SEC16A: variants seen among roughly 807,000 people sequenced by gnomAD.
The protein encoded by SEC16A is protein transport protein Sec16A.
A neutral mutation model predicts 221.9 loss-of-function variants in SEC16A; 110 were observed. That is an observed-to-expected ratio of 0.50 (90% CI 0.42 to 0.58). The LOEUF (loss-of-function observed/expected upper bound fraction) is 0.58. SEC16A is among the 20% of genes least tolerant of loss of function. The pLI, the probability that SEC16A is intolerant of heterozygous loss-of-function variation, is 0.00. For synonymous variants in SEC16A, 1,393 were observed against 1,257.7 expected, an observed-to-expected ratio of 1.11 and a Z score of -2.28; for missense variants, 3,165 against 3,097.8, an observed-to-expected ratio of 1.02 and a Z score of -0.52.
In SEC16A at chr9:136,463,874, T is replaced by G. The variant is rs530541879; in HGVS notation, c.4447-134A>C. On this transcript the variant is annotated intron_variant, in intron 9 of 31. Coordinates refer to ENST00000684901, the MANE Select transcript of SEC16A (RefSeq NM_014866.2). Reference sequence around the variant, plus strand: ...CCCACCTGCCCCGCCCCACAGCAGGTGAAGGCTCTGTCGAGGCTGTTACAT... The same window carrying G: ...CCCACCTGCCCCGCCCCACAGCAGGGGAAGGCTCTGTCGAGGCTGTTACAT... 5 of 886,106 alleles carry G rather than the reference T, an allele frequency of 5.6e-6. No individual in the cohort carries two copies. In the African/African-American group the frequency reaches 6.5e-5, roughly 12 times the overall value. 54.9% of individuals were successfully genotyped at this position (886,106 alleles called of 1,614,324 possible).
At position 136,461,264 on chromosome 9, in the gene SEC16A, T is replaced by G; in HGVS notation, c.4904A>C (p.Glu1635Ala). The change falls in exon 13 of 32, where the codon GAG becomes GCG. Residue 1635 changes from glutamate (E) to alanine (A), a missense_variant. This residue lies in a region of SEC16A where 1,088 missense variants were observed against 1,089.6 expected (regional missense o/e 1.00). Coordinates refer to ENST00000684901, the MANE Select transcript of SEC16A (RefSeq NM_014866.2). ...CCACAGGCCATTCTTCATTGCAGAC[T>G]CCAAAGCATCCTGCAAAAGGCATTT... Reference protein sequence around the residue: ...LLYGRKKDALESAMKNGLWGH... With the variant: ...LLYGRKKDALASAMKNGLWGH... 6.2e-7 allele frequency: 1 copy of G among 1,603,404 alleles called. No homozygotes were observed. Among genetic ancestry groups the G allele is most frequent in the Non-Finnish European group, 8.5e-7 (1 of 1,175,042 alleles).
intron 29 of SEC16A, 60 bp from the exon 30 acceptor site, chr9:136,445,171 C>T: frequency 7.2e-7 from 1 of 1,398,130 alleles, no homozygotes; most frequent in South Asian, 1.2e-5. Context: ...ACGTCACTGT[C>T]CAATCCAAGC....
At chr9:136,452,769 G>GGAA (rs1265008878) in intron 22 of SEC16A, among the ~76,000 whole-genome samples, 2,041 of 77,912 alleles carry the variant, frequency 0.026, 87 homozygotes, top group African/African-American at 0.098. Flanking sequence ...ATGTCTTAGG[G>GGAA]AAAAAAAAAA....
At position 136,441,725 on chromosome 9, in the gene SEC16A, C is replaced by A. The variant is rs746133947; in HGVS notation, c.*30G>T. The stretch of plus-strand genomic sequence containing the variant: ...TTCGGGGAGAACAGCAGCGTCAGGG[C>A]TCCAAGTGCAAGTTCACAGCAGGGC... On this transcript the variant is annotated 3_prime_UTR_variant, in exon 32 of 32. Transcript: ENST00000684901. The A allele has an allele frequency of 6.2e-7, 1 of 1,607,404 alleles. No homozygotes were observed. Among genetic ancestry groups the A allele is most frequent in the East Asian group, 2.2e-5 (1 of 44,832 alleles).
At chr9:136,469,867 C>T (rs537570006) in intron 4 of SEC16A, among the ~76,000 whole-genome samples, 20 of 152,324 alleles carry the variant, frequency 1.3e-4, no homozygotes, top group African/African-American at 3.8e-4. Context: ...TGTCCCCCTA[C>T]ATCCAACTGC....
In SEC16A at chr9:136,473,928, G is replaced by C. The variant is rs138414202; in HGVS notation, c.3567+121C>G. On this transcript the variant is annotated intron_variant, in intron 3 of 31. Coordinates refer to ENST00000684901, the MANE Select transcript of SEC16A (RefSeq NM_014866.2). ...ACTGGAATACTGTTCTCACGCCTGC[G>C]GGACTGTGGGTGACCCCGGAACCAA... The C allele has an allele frequency of 2.8e-4, 305 of 1,078,754 alleles. 1 individual carries two copies. In the Middle Eastern group the frequency reaches 3.8e-3, roughly 13 times the overall value. The allele number at this position is 1,078,754 out of a possible 1,614,324, so 66.8% of individuals were successfully genotyped here.
At chr9:136,461,913 C>G (rs1839529931) in intron 12 of SEC16A, among the ~76,000 whole-genome samples, 1 of 151,588 alleles carries the variant, frequency 6.6e-6, no homozygotes, top group South Asian at 2.1e-4. Flanking sequence ...TCGAGACCAG[C>G]CTGGCAACAT....
intron 2 of SEC16A, among the ~76,000 whole-genome samples, chr9:136,478,268 T>C (rs922899054): frequency 6.6e-6 from 1 of 152,044 alleles, no homozygotes; most frequent in African/African-American, 2.4e-5. Flanking sequence ...CCAGGCATGG[T>C]GGTGCACACC....
chr9:136,467,411 C>T (rs965577641), intron 5 of SEC16A, among the ~76,000 whole-genome samples: 2 of 152,178 alleles, frequency 1.3e-5, no homozygotes, highest in Admixed American at 6.5e-5. Flanking sequence ...TACTATGTTT[C>T]GCAGGCTGTT....
At chr9:136,457,154 GA>G (rs1838788506) in intron 18 of SEC16A, among the ~76,000 whole-genome samples, 1 of 152,236 alleles carries the variant, frequency 6.6e-6, no homozygotes, top group East Asian at 1.9e-4. Flanking sequence ...CAGCCTGGGT[GA>G]CAGAGTGAGA....
chr9:136,473,106 G>T (rs1301053713), intron 3 of SEC16A, among the ~76,000 whole-genome samples: 1 of 152,238 alleles, frequency 6.6e-6, no homozygotes, highest in Non-Finnish European at 1.5e-5. Flanking sequence ...GATGCTCGAG[G>T]CCCATGGGGG....
At chr9:136,482,008 A>T (rs1481546334) in intron 1 of SEC16A, among the ~76,000 whole-genome samples, 1 of 152,208 alleles carries the variant, frequency 6.6e-6, no homozygotes, top group Admixed American at 6.5e-5. Flanking sequence ...AAGAAAAAAA[A>T]AGTGCCCACT....
chr9:136,467,619 T>TA (rs944396932), intron 5 of SEC16A, among the ~76,000 whole-genome samples: 12 of 152,212 alleles, frequency 7.9e-5, no homozygotes, highest in Non-Finnish European at 1.6e-4. Context: ...ATCTCAATAT[T>TA]AAAAGGTTAC....
Position 136,463,601 on chromosome 9 carries a change from T to C in SEC16A, c.4509A>G (p.Lys1503=), listed in dbSNP as rs373969700. ...TGACATCCACCTTATGGGTGTCGTC[T>C]CTGCAGAAAGAACACACAGTGAGCA... The part of the protein sequence containing the change: ...EMRAFPGPLA[K]DDTHKVDVIN... Residue 1503 remains lysine, a splice_region_variant and synonymous_variant, in exon 11 of 32, where the codon AAA becomes AAG. Transcript: ENST00000684901. The C allele has an allele frequency of 2.5e-6, 4 of 1,613,692 alleles. No homozygotes were observed. The African/African-American group carries it at 5.3e-5, about 22-fold the overall frequency.
At chr9:136,484,290 G>A (rs1842745357), upstream of SEC16A, 2 of 985,858 alleles carry the variant, frequency 2.0e-6, no homozygotes, top group South Asian at 2.4e-5. Context: ...CCCAGCGGAG[G>A]GGTGAGGCGG....
Position 136,466,508 on chromosome 9 carries a change from G to A in SEC16A, c.3930-46C>T, listed in dbSNP as rs774607643. 7 of 1,525,124 alleles carry A rather than the reference G, an allele frequency of 4.6e-6. No homozygotes were observed. Among genetic ancestry groups the A allele is most frequent in the Admixed American group, 2.0e-5 (1 of 50,794 alleles). 94.5% of individuals were successfully genotyped at this position (1,525,124 alleles called of 1,614,324 possible). ...GAGGCAGAGGAATGGGAGTGCCGGA[G>A]GCCCCGTCCCCATGTGCCACGCAGC... On this transcript the variant is annotated intron_variant, in intron 6 of 31. Coordinates refer to ENST00000684901, the MANE Select transcript of SEC16A (RefSeq NM_014866.2). This position sits in a 1 kb window ranked among gnomAD's most constrained non-coding sequence, Gnocchi z 5.5.
Position 136,477,088 on chromosome 9 carries a change from A to T in SEC16A, c.528T>A (p.His176Gln), listed in dbSNP as rs760327904. The T allele has an allele frequency of 2.9e-5, 46 of 1,613,866 alleles. No homozygotes were observed. The East Asian group carries it at 7.6e-4, about 27-fold the overall frequency. Reference protein sequence around the residue: ...DPETSHGGHPHGNMPGLDRPL... With the variant: ...DPETSHGGHPQGNMPGLDRPL... Reference sequence around the variant, plus strand: ...GTCGGTCGAGCCCAGGCATGTTCCCATGAGGGTGGCCCCCATGAGACGTTT... The same window carrying T: ...GTCGGTCGAGCCCAGGCATGTTCCCTTGAGGGTGGCCCCCATGAGACGTTT... The change falls in exon 3 of 32, where the codon CAT (histidine) becomes CAA (glutamine). Residue 176 changes from histidine to glutamine, a missense_variant. His to Gln is a conservative substitution (Grantham distance 24). This residue lies in a region of SEC16A where 2,030 missense variants were observed against 1,923.1 expected (regional missense o/e 1.06). Coordinates refer to ENST00000684901, the MANE Select transcript of SEC16A (RefSeq NM_014866.2).
Position 136,474,184 on chromosome 9 carries a change from C to T in SEC16A, c.3432G>A (p.Val1144=), listed in dbSNP as rs370955653. 111 of 1,612,772 alleles carry T rather than the reference C, an allele frequency of 6.9e-5. 1 individual carries two copies. The highest frequency in any genetic ancestry group is 4.7e-4 in the East Asian group (21 of 44,884). ...GCGGTGGGCCGGGGGCAAGTGCAGGCACTGGCTGTGGCCACGGCTGCTCTG... is the reference window on the plus strand; with the variant it reads ...GCGGTGGGCCGGGGGCAAGTGCAGGTACTGGCTGTGGCCACGGCTGCTCTG... ...VPSEQPWPQP[V]PALAPGPPPQ... The change falls in exon 3 of 32, where the codon GTG becomes GTA. Residue 1144 remains valine (V), a synonymous_variant. Transcript: ENST00000684901.
intron 8 of SEC16A, among the ~76,000 whole-genome samples, 176 bp from the exon 9 acceptor site, chr9:136,464,738 G>A (rs57479787): frequency 0.023 from 3,549 of 152,224 alleles, 178 homozygotes; most frequent in African/African-American, 0.08. Flanking sequence ...TTCAGCATAC[G>A]TCAGGAAAAG....
Sources: gnomAD v4.1 joint callset for allele counts (sites outside exome capture counted in the v4.1 genomes callset) on GRCh38, gnomAD v4.1.1 for gene constraint, gnomAD v4.1.1 regional missense constraint, Gnocchi (gnomAD v3.1) non-coding constraint, MANE v1.5 for transcripts, NCBI Gene and HGNC (gene_info 2026-07-23, HGNC 2026-07-21) for gene names.